Variants in USP25 observed in about 807,000 individuals in gnomAD.
USP25 encodes ubiquitin carboxyl-terminal hydrolase 25.
In USP25, 85 loss-of-function variants were observed where a neutral mutation model predicts 158.5. That is an observed-to-expected ratio of 0.54 (90% CI 0.45 to 0.64). The LOEUF (loss-of-function observed/expected upper bound fraction) is 0.64. Among genes scored for constraint, USP25 ranks in the 30% least tolerant of loss-of-function variants. USP25 has a pLI of 0.00. For missense variants in USP25, 1,242 were observed against 1,327.3 expected (o/e 0.94, Z 1.00); for synonymous variants, 464 against 460.4 (o/e 1.01, Z -0.10).
At chr21:15,734,273 G>A (rs899725438) in intron 1 of USP25, among the ~76,000 whole-genome samples, 11 of 152,108 alleles carry the variant, frequency 7.2e-5, no homozygotes, top group Admixed American at 5.9e-4. Flanking sequence ...TGGATTCAGG[G>A]TAAATTTCTT....
At chr21:15,811,284 AT>A in intron 9 of USP25, 74 bp downstream of exon 9, 3 of 1,341,682 alleles carry the variant, frequency 2.2e-6, no homozygotes, top group Non-Finnish European at 3.1e-6. Flanking sequence ...GATAGTTACT[AT>A]TTTTTTAGTG....
rs143738796 is a variant in USP25 at position 15,753,002 on chromosome 21, G to A, written c.46-9889G>A. Among the ~76,000 whole-genome samples, 301 of 152,314 alleles carry A rather than the reference G, an allele frequency of 2.0e-3. 3 individuals are homozygous for A. The highest frequency in any genetic ancestry group is 7.1e-3 in the African/African-American group (296 of 41,566). On this transcript the variant is annotated intron_variant, in intron 1 of 25. Transcript: ENST00000400183. ...TAAACAACTCTTCAAGAGAATGCAG[G>A]TTTTGGTCAGTAGGAGTTTTACTAC...
intron 10 of USP25, among the ~76,000 whole-genome samples, chr21:15,821,638 G>A (rs2037241797): frequency 1.3e-5 from 2 of 151,904 alleles, no homozygotes; most frequent in Non-Finnish European, 2.9e-5. Flanking sequence ...GAAATCAAAG[G>A]GCAAATGAGT....
Position 15,878,545 on chromosome 21 carries a change from G to C in USP25, c.*70G>C. The stretch of plus-strand genomic sequence containing the variant: ...CTTAACCCTTGCCTTCCTGTCACAG[G>C]GTTTGCTTGTTGCTGCTATAGTTTT... On this transcript the variant is annotated 3_prime_UTR_variant, in exon 26 of 26. Coordinates refer to ENST00000400183, the MANE Select transcript of USP25 (RefSeq NM_001283041.3). 1 of 1,481,962 alleles carries C rather than the reference G, an allele frequency of 6.7e-7. No homozygotes were observed. Among genetic ancestry groups the C allele is most frequent in the Non-Finnish European group, 9.0e-7 (1 of 1,109,340 alleles). 91.8% of individuals were successfully genotyped at this position (1,481,962 alleles called of 1,614,324 possible). A position where few individuals can be genotyped will look rare whatever the true frequency, so the allele number is the denominator to read the frequency against.
intron 8 of USP25, 84 bp from the exon 9 acceptor site, chr21:15,811,053 G>A (rs778776381): frequency 4.0e-6 from 5 of 1,237,918 alleles, no homozygotes; most frequent in Non-Finnish European, 5.7e-6. Flanking sequence ...TTTTTGTCTT[G>A]TCATATGTTA....
chr21:15,770,126 T>G (rs1299331776), intron 3 of USP25, among the ~76,000 whole-genome samples: 2 of 152,160 alleles, frequency 1.3e-5, no homozygotes, highest in African/African-American at 2.4e-5. Context: ...ATTCTAGTGC[T>G]TTTATTCTTA....
At chr21:15,809,460 C>T (rs897947390) in intron 8 of USP25, among the ~76,000 whole-genome samples, 9 of 151,828 alleles carry the variant, frequency 5.9e-5, no homozygotes, top group Admixed American at 5.3e-4. Flanking sequence ...CGAAAAAAAA[C>T]GAAACACCCC....
At chr21:15,765,017 C>T (rs2033955327) in intron 2 of USP25, among the ~76,000 whole-genome samples, 1 of 152,044 alleles carries the variant, frequency 6.6e-6, no homozygotes, top group Admixed American at 6.6e-5. Context: ...CCCTTTCTCT[C>T]CTCTAGTCTA....
At position 15,825,015 on chromosome 21, in the gene USP25, A is replaced by C; in HGVS notation, c.1258A>C (p.Lys420Gln). ...AACAAGAATTAAGAGGGAAGAGATCAAGAGACTGAAAGATTACCTCACGGT... is the reference window on the plus strand; with the variant it reads ...AACAAGAATTAAGAGGGAAGAGATCCAGAGACTGAAAGATTACCTCACGGT... ...EITRIKREEI[K>Q]RLKDYLTVLQ... Residue 420 changes from lysine to glutamine, a missense_variant, in exon 12 of 26, where the codon AAG (lysine) becomes CAG (glutamine). This residue lies in a region of USP25 where 627 missense variants were observed against 701.4 expected (regional missense o/e 0.89). Transcript: ENST00000400183. The C allele has an allele frequency of 1.9e-6, 3 of 1,612,192 alleles. No homozygotes were observed. Among genetic ancestry groups the C allele is most frequent in the Non-Finnish European group, 2.5e-6 (3 of 1,179,212 alleles).
chr21:15,735,520 G>A (rs937960834), intron 1 of USP25, among the ~76,000 whole-genome samples: 1 of 152,140 alleles, frequency 6.6e-6, no homozygotes, highest in Non-Finnish European at 1.5e-5. Flanking sequence ...GCAGATTTTG[G>A]CCTCTGGGGG....
chr21:15,831,311 T>C, intron 15 of USP25, 90 bp from the exon 16 acceptor site: 1 of 1,259,450 alleles, frequency 7.9e-7, no homozygotes, highest in East Asian at 2.4e-5. Flanking sequence ...CTTATGGTTT[T>C]CTCCAAACAG....
At position 15,762,325 on chromosome 21, in the gene USP25, TTTTCCCTTCCAGTACAATGCAG is replaced by T. The variant is rs1276404212; in HGVS notation, c.46-564_46-543del. 2.0e-5 allele frequency among the ~76,000 whole-genome samples: 3 copies of T among 152,192 alleles called. No homozygotes were observed. In the East Asian group the frequency reaches 5.8e-4, roughly 29 times the overall value. On this transcript the variant is annotated intron_variant, in intron 1 of 25. Coordinates refer to ENST00000400183, the MANE Select transcript of USP25 (RefSeq NM_001283041.3). ...TAGTGAAATCCTATCTCTCTACCTCTTTTCCCTTCCAGTACAATGCAGTCAATTTTATAGGCCAATAGCATAT... is the reference window on the plus strand; with the variant it reads ...TAGTGAAATCCTATCTCTCTACCTCTTCAATTTTATAGGCCAATAGCATAT...
At position 15,765,998 on chromosome 21, in the gene USP25, A is replaced by C; in HGVS notation, c.125A>C (p.Asp42Ala). The C allele has an allele frequency of 6.2e-7, 1 of 1,601,218 alleles. No homozygotes were observed. The highest frequency in any genetic ancestry group is 1.1e-5 in the South Asian group (1 of 88,450). Residue 42 changes from aspartate (D) to alanine (A), a missense_variant and splice_region_variant, in exon 3 of 26, where the codon GAT becomes GCT. Transcript: ENST00000400183. ...DTQILQQALK[D>A]SNGNLELAVA... The stretch of plus-strand genomic sequence containing the variant: ...ATACTCCTTTCTTGATATTTGAAGG[A>C]TAGTAATGGAAACTTGGAATTAGCA...
At chr21:15,808,572 G>GTGTGTGTA (rs1434197622) in intron 7 of USP25, among the ~76,000 whole-genome samples, 15 of 151,602 alleles carry the variant, frequency 9.9e-5, no homozygotes, top group African/African-American at 3.4e-4. Context: ...GTGTGTGTGT[G>GTGTGTGTA]TATTTTAAAG....
rs368814254 is a variant in USP25 at position 15,827,156 on chromosome 21, A to G, written c.1646A>G (p.Glu549Gly). Reference protein sequence around the residue: ...HITEEELSVLESCLHRWRTEI... With the variant: ...HITEEELSVLGSCLHRWRTEI... ...ACGGAGGAAGAACTTTCTGTGCTGG[A>G]AAGTTGTTTACATCGCTGGAGGACA... Residue 549 changes from glutamate (E) to glycine (G), a missense_variant, in exon 14 of 26, where the codon GAA (glutamate) becomes GGA (glycine). Around this residue, in one of 3 missense-constraint regions of USP25, gnomAD observed 627 missense variants for 701.4 expected, o/e 0.89. Transcript: ENST00000400183. 23 of 1,614,096 alleles carry G rather than the reference A, an allele frequency of 1.4e-5. No homozygotes were observed. The highest frequency in any genetic ancestry group is 1.9e-5 in the Non-Finnish European group (22 of 1,180,044).
chr21:15,876,038 A>G (rs1194418709), intron 24 of USP25: 1 of 152,232 alleles, frequency 6.6e-6, no homozygotes, highest in African/African-American at 2.4e-5. Flanking sequence ...TCGGCATGTC[A>G]TAGCTGTTGG....
At chr21:15,869,884 T>C (rs886476239) in intron 22 of USP25, among the ~76,000 whole-genome samples, 184 bp from the exon 23 acceptor site, 13 of 152,240 alleles carry the variant, frequency 8.5e-5, no homozygotes, top group Non-Finnish European at 1.5e-4. Context: ...TTTAATGTTG[T>C]ATTAATAAAT....
At chr21:15,859,207 T>C (rs545964541) in intron 20 of USP25, among the ~76,000 whole-genome samples, 1 of 150,138 alleles carries the variant, frequency 6.7e-6, no homozygotes, top group African/African-American at 2.4e-5. Flanking sequence ...GTGTTTTTTT[T>C]TTTGAGACGG....
At chr21:15,823,156 G>A (rs1242572632) in intron 10 of USP25, among the ~76,000 whole-genome samples, 1 of 151,966 alleles carries the variant, frequency 6.6e-6, no homozygotes, top group African/African-American at 2.4e-5. Context: ...TTATGCAGCA[G>A]TTTCGCATAT....
Sources: gnomAD v4.1 joint callset for allele counts (sites outside exome capture counted in the v4.1 genomes callset) on GRCh38, gnomAD v4.1.1 for gene constraint, gnomAD v4.1.1 regional missense constraint, MANE v1.5 for transcripts, NCBI Gene and HGNC (gene_info 2026-07-23, HGNC 2026-07-21) for gene names.